Variants in SLC60A2 observed in about 807,000 individuals in gnomAD.
SLC60A2 encodes the protein solute carrier family 60 member 2, also known as major facilitator superfamily domain containing 4B.
the SLC60A2 span, among the ~76,000 whole-genome samples, chr6:111,262,664 C>A: frequency 6.6e-6 from 1 of 152,144 alleles, no homozygotes; most frequent in Admixed American, 6.5e-5. Flanking sequence ...CAATCCTTAG[C>A]CTTTCCAACC....
the SLC60A2 span, among the ~76,000 whole-genome samples, chr6:111,263,041 G>C: frequency 1.3e-5 from 2 of 151,942 alleles, no homozygotes; most frequent in African/African-American, 2.4e-5. Flanking sequence ...GGGCTCAAGC[G>C]ATCCTCCCAT....
the SLC60A2 span, chr6:111,266,063 T>C: frequency 0.65 from 1,049,912 of 1,613,768 alleles, 355,678 homozygotes; most frequent in Non-Finnish European, 0.71. Flanking sequence ...AATCATCTGA[T>C]GCTGACTCAG....
At chr6:111,265,962 T>G in the SLC60A2 span, 1 of 1,614,092 alleles carries the variant, frequency 6.2e-7, no homozygotes, top group Non-Finnish European at 8.5e-7. Flanking sequence ...CTTGGGTGCC[T>G]TTTTGGCTCC....
the SLC60A2 span, chr6:111,267,253 A>C: frequency 6.3e-6 from 5 of 792,614 alleles, no homozygotes; most frequent in African/African-American, 8.7e-5. Flanking sequence ...CAAATGCTAA[A>C]AATTTTTGAA....
At chr6:111,262,480 G>A in the SLC60A2 span, 54 of 1,518,506 alleles carry the variant, frequency 3.6e-5, no homozygotes, top group South Asian at 6.0e-4. Flanking sequence ...TTTACAAGTT[G>A]TCTTTGAAAA....
the SLC60A2 span, chr6:111,270,802 G>A: frequency 6.6e-6 from 1 of 151,756 alleles, no homozygotes; most frequent in Admixed American, 6.6e-5. Context: ...CCGAGATGGT[G>A]CCACTGCACT....
At chr6:111,273,575 T>C in the SLC60A2 span, among the ~76,000 whole-genome samples, 1 of 151,860 alleles carries the variant, frequency 6.6e-6, no homozygotes, top group Admixed American at 6.6e-5. Flanking sequence ...TCTGTAGCTG[T>C]TGGGTGAAAT....
At chr6:111,267,995 G>A in the SLC60A2 span, 3 of 152,192 alleles carry the variant, frequency 2.0e-5, no homozygotes, top group East Asian at 1.9e-4. Flanking sequence ...GTCACTTAAC[G>A]TAGGCCTTGT....
the SLC60A2 span, chr6:111,262,556 G>A: frequency 1.3e-6 from 1 of 781,460 alleles, no homozygotes; most frequent in Non-Finnish European, 2.1e-6. Flanking sequence ...GTCCTCAATG[G>A]CAGTTGAGTT....
At chr6:111,277,048 C>T in the SLC60A2 span, among the ~76,000 whole-genome samples, 1 of 152,176 alleles carries the variant, frequency 6.6e-6, no homozygotes, top group Non-Finnish European at 1.5e-5. Flanking sequence ...GAAGGGGTTC[C>T]CTTTGGGTTG....
chr6:111,276,190 G>C, the SLC60A2 span, among the ~76,000 whole-genome samples: 12 of 152,136 alleles, frequency 7.9e-5, no homozygotes, highest in African/African-American at 2.9e-4. Context: ...CATTTGTGTT[G>C]CTTCTACATT....
At chr6:111,273,411 C>T in the SLC60A2 span, among the ~76,000 whole-genome samples, 3 of 151,978 alleles carry the variant, frequency 2.0e-5, no homozygotes, top group Admixed American at 2.0e-4. Context: ...TCCCAAACTG[C>T]TGGGATTACA....
At chr6:111,265,547 AAT>A in the SLC60A2 span, 1 of 172,540 alleles carries the variant, frequency 5.8e-6, no homozygotes, top group African/African-American at 2.4e-5. Flanking sequence ...TTAAAATATT[AAT>A]ATATAAATAT....
At chr6:111,266,938 C>G in the SLC60A2 span, 3 of 1,614,048 alleles carry the variant, frequency 1.9e-6, no homozygotes, top group Non-Finnish European at 2.5e-6. Context: ...ATGATTGAAA[C>G]GAATGATACA....
At chr6:111,270,486 C>T in the SLC60A2 span, 1 of 151,958 alleles carries the variant, frequency 6.6e-6, no homozygotes, top group East Asian at 1.9e-4. Context: ...AGTTTGAGAC[C>T]AGCCTGGGCA....
chr6:111,264,961 C>T, the SLC60A2 span, among the ~76,000 whole-genome samples: 14 of 151,382 alleles, frequency 9.2e-5, no homozygotes, highest in East Asian at 2.0e-4. Context: ...GGCATGGTGG[C>T]GCGTGCCTGT....
At chr6:111,278,392 A>G in the SLC60A2 span, 2 of 152,150 alleles carry the variant, frequency 1.3e-5, no homozygotes, top group Non-Finnish European at 1.5e-5. Context: ...AGATGACCCT[A>G]TCATTTTTGT....
chr6:111,259,685 G>T, the SLC60A2 span: 2 of 1,597,898 alleles, frequency 1.3e-6, no homozygotes, highest in Non-Finnish European at 1.7e-6. Flanking sequence ...GCAAGCTGCG[G>T]TGGTTCACCA....
At chr6:111,259,519 A>G in the SLC60A2 span, 3 of 530,652 alleles carry the variant, frequency 5.7e-6, no homozygotes. Context: ...CAGCAAGACG[A>G]CTTCTCCGGA....
Sources: gnomAD v4.1 joint callset for allele counts (sites outside exome capture counted in the v4.1 genomes callset) on GRCh38, gnomAD v4.1.1 for gene constraint, MANE v1.5 for transcripts, NCBI Gene and HGNC (gene_info 2026-07-23, HGNC 2026-07-21) for gene names.